IQSEC1: variants seen among roughly 807,000 people sequenced by gnomAD.
IQSEC1 encodes the protein IQ motif and Sec7 domain ArfGEF 1.
IQSEC1 carries 31 observed loss-of-function variants against 91.0 expected under a neutral mutation model. That is an observed-to-expected ratio of 0.34 (90% CI 0.26 to 0.46). The LOEUF is 0.46. IQSEC1 is among the 20% of genes least tolerant of loss of function. IQSEC1 has a pLI of 1.00. For missense variants in IQSEC1, 1,388 were observed against 1,575.6 expected (o/e 0.88, Z 2.02); for synonymous variants, 699 against 662.6 (o/e 1.05, Z -0.84).
rs1366329032 is a variant in IQSEC1 at position 12,913,456 on chromosome 3, T to G, written c.2288A>C (p.Glu763Ala). The change falls in exon 9 of 14, where the codon GAA becomes GCA. Residue 763 changes from glutamate to alanine, a missense_variant. Glu to Ala is a moderately radical substitution (Grantham distance 107, BLOSUM62 -1). Around this residue, in one of 2 missense-constraint regions of IQSEC1, gnomAD observed 1,059 missense variants for 1,317.8 expected, o/e 0.80. Transcript: ENST00000613206. ...CAGGAGGTCGTTGAACAGGAAGATT[T>G]CTCGCTGGTGTAGTCCGAGTTTCTG... ...KPQKLGLHQR[E>A]IFLFNDLLVV... 1 of 1,604,678 alleles carries G rather than the reference T, an allele frequency of 6.2e-7. No individual in the cohort carries two copies. The highest frequency in any genetic ancestry group is 1.3e-5 in the African/African-American group (1 of 74,692).
At chr3:13,028,975 G>C (rs1703737138) in intron 1 of IQSEC1, among the ~76,000 whole-genome samples, 1 of 152,222 alleles carries the variant, frequency 6.6e-6, no homozygotes, top group South Asian at 2.1e-4. Flanking sequence ...GCCTACCTCA[G>C]TTTCTTCATC....
intron 2 of IQSEC1, among the ~76,000 whole-genome samples, chr3:13,078,826 C>G (rs564701679): frequency 1.3e-5 from 2 of 152,344 alleles, no homozygotes; most frequent in East Asian, 3.9e-4. Context: ...CCAGGGGGTT[C>G]TTCCAAGCCT....
intron 1 of IQSEC1, among the ~76,000 whole-genome samples, chr3:13,245,147 G>A (rs191682014): frequency 2.0e-5 from 3 of 152,226 alleles, no homozygotes; most frequent in East Asian, 1.9e-4. Context: ...GTCTGGGCTC[G>A]CTCATGTGTC....
intron 1 of IQSEC1, among the ~76,000 whole-genome samples, chr3:13,171,097 T>G (rs1693599460): frequency 6.9e-6 from 1 of 144,668 alleles, no homozygotes; most frequent in Non-Finnish European, 1.5e-5. Flanking sequence ...AGACTCCATC[T>G]CAAAAAAAAC....
At chr3:12,987,093 G>T in intron 1 of IQSEC1, 2 of 356,272 alleles carry the variant, frequency 5.6e-6, no homozygotes, top group Non-Finnish European at 1.1e-5. Flanking sequence ...CTGGTGCTGC[G>T]GCCAGTGCGG....
chr3:13,053,733 G>C (rs1364581499), intron 1 of IQSEC1, among the ~76,000 whole-genome samples: 1 of 152,162 alleles, frequency 6.6e-6, no homozygotes, highest in African/African-American at 2.4e-5. Context: ...ACCCTGGAAG[G>C]GGTTGTGTGA....
intron 2 of IQSEC1, among the ~76,000 whole-genome samples, chr3:13,160,540 C>G (rs1707156740): frequency 6.6e-6 from 1 of 152,236 alleles, no homozygotes; most frequent in Non-Finnish European, 1.5e-5. Flanking sequence ...AAAATCCATA[C>G]ACAGCTTCAC....
chr3:13,260,901 C>A (rs143571204), intron 1 of IQSEC1, among the ~76,000 whole-genome samples: 1 of 152,186 alleles, frequency 6.6e-6, no homozygotes, highest in Non-Finnish European at 1.5e-5. Flanking sequence ...TATGAGGAGT[C>A]CCCAGTGCTG....
chr3:13,190,269 G>A (rs1346168946), intron 1 of IQSEC1, among the ~76,000 whole-genome samples: 1 of 152,206 alleles, frequency 6.6e-6, no homozygotes, highest in Non-Finnish European at 1.5e-5. Flanking sequence ...TTAGGCGGCG[G>A]ATGCTCCATG....
intron 1 of IQSEC1, among the ~76,000 whole-genome samples, chr3:13,251,638 G>A (rs1695195177): frequency 6.6e-6 from 1 of 152,176 alleles, no homozygotes; most frequent in African/African-American, 2.4e-5. Flanking sequence ...CTGGAGCCTG[G>A]CCAAGGGGTA....
chr3:12,922,342 G>A lies in IQSEC1; in HGVS notation c.1731-100C>T, dbSNP rs146249222. On this transcript the variant is annotated intron_variant, in intron 4 of 13. Transcript: ENST00000613206. This position sits in a 1 kb window ranked among gnomAD's most constrained non-coding sequence, Gnocchi z 5.1. ...GTGCCTGAAGCCCTGGGAATGGACC[G>A]CCTCCTGGCAGGGAGAGCCCCTGCC... The A allele has an allele frequency of 9.6e-5, 132 of 1,380,172 alleles. No individual in the cohort carries two copies. Among genetic ancestry groups the A allele is most frequent in the Middle Eastern group, 2.0e-4 (1 of 5,044 alleles). 85.5% of individuals were successfully genotyped at this position (1,380,172 alleles called of 1,614,324 possible).
intron 3 of IQSEC1, among the ~76,000 whole-genome samples, chr3:12,933,373 T>C (rs1697874977): frequency 2.0e-5 from 3 of 152,014 alleles, no homozygotes; most frequent in South Asian, 4.1e-4. Context: ...GGACTACCAC[T>C]CAGCAGCACA....
intron 1 of IQSEC1, among the ~76,000 whole-genome samples, chr3:13,063,767 C>G (rs1705147716): frequency 6.6e-6 from 1 of 152,198 alleles, no homozygotes; most frequent in Non-Finnish European, 1.5e-5. Flanking sequence ...CCCAGTGCCC[C>G]TGGTGGGATG....
chr3:13,074,285 G>A (rs998360602), upstream of IQSEC1, among the ~76,000 whole-genome samples: 1 of 152,144 alleles, frequency 6.6e-6, no homozygotes, highest in Admixed American at 6.5e-5. Context: ...AGGAGCTGGC[G>A]TCAAGGCTCT....
Position 12,900,499 on chromosome 3 carries a change from C to T in IQSEC1, c.*484G>A, listed in dbSNP as rs1465981264. The T allele has an allele frequency of 1.7e-5, 14 of 828,226 alleles. No homozygotes were observed. The highest frequency in any genetic ancestry group is 1.9e-5 in the Non-Finnish European group (13 of 687,914). The allele number at this position is 828,226 out of a possible 1,614,324, so 51.3% of individuals were successfully genotyped here. A position where few individuals can be genotyped will look rare whatever the true frequency, so the allele number is the denominator to read the frequency against. On this transcript the variant is annotated 3_prime_UTR_variant, in exon 14 of 14. Coordinates refer to ENST00000613206, the MANE Select transcript of IQSEC1 (RefSeq NM_001134382.3). ...TATTTATATATTTATATAAAGTTTA[C>T]TTACGTATTTTCATCAACCATATCA...
chr3:13,070,881 C>T (rs1705391700), intron 1 of IQSEC1, among the ~76,000 whole-genome samples: 1 of 152,216 alleles, frequency 6.6e-6, no homozygotes, highest in Admixed American at 6.5e-5. Context: ...CCACCAGAGC[C>T]ACGTGTTCAA....
At position 12,930,952 on chromosome 3, in the gene IQSEC1, G is replaced by A. The variant is rs536008740; in HGVS notation, c.1568+4496C>T. 4.6e-5 allele frequency among the ~76,000 whole-genome samples: 7 copies of A among 152,234 alleles called. No individual in the cohort carries two copies. In the East Asian group the frequency reaches 1.4e-3, roughly 29 times the overall value. ...CAGCAACCTAGGGTCCTGCAGAGAG[G>A]TGCCACTTCCAGCCTTTCCCACACT... On this transcript the variant is annotated intron_variant, in intron 3 of 13. Coordinates refer to ENST00000613206, the MANE Select transcript of IQSEC1 (RefSeq NM_001134382.3).
chr3:12,926,680 T>G (rs1029045418), intron 3 of IQSEC1, among the ~76,000 whole-genome samples: 2 of 152,200 alleles, frequency 1.3e-5, no homozygotes, highest in Non-Finnish European at 2.9e-5. Flanking sequence ...GAAGTCAGCA[T>G]TCTTCTGTCC....
In IQSEC1 at chr3:12,897,887, A is replaced by G. The variant is rs767092058; in HGVS notation, c.*3096T>C. On this transcript the variant is annotated 3_prime_UTR_variant, in exon 14 of 14. Transcript: ENST00000613206. ...TTAAGCAAGATGTGCACAGCATATT[A>G]GGATGAACTTTATTTTTACATTGTT... 6.6e-6 allele frequency: 1 copy of G among 152,274 alleles called. No homozygotes were observed. Among genetic ancestry groups the G allele is most frequent in the Non-Finnish European group, 1.5e-5 (1 of 68,050 alleles). The allele number at this position is 152,274 out of a possible 1,614,324, so 9.4% of individuals were successfully genotyped here.
Sources: allele counts gnomAD v4.1 joint callset (sites outside exome capture counted in the v4.1 genomes callset), GRCh38; gene constraint gnomAD v4.1.1; regional missense constraint gnomAD v4.1.1; non-coding constraint Gnocchi (gnomAD v3.1); transcripts MANE v1.5; gene names NCBI Gene and HGNC (gene_info 2026-07-23, HGNC 2026-07-21).